The following TRPC6 variants were observed in gnomAD, a reference collection of about 807,000 sequenced individuals.
TRPC6 encodes short transient receptor potential channel 6.
Under a neutral mutation model 90.7 loss-of-function variants are expected in TRPC6, and 55 were observed. The observed-to-expected ratio is 0.61, with a 90% CI of 0.49 to 0.76. TRPC6 has a LOEUF of 0.76. TRPC6 is among the 30% of genes least tolerant of loss of function. The pLI is 0.00. For missense variants in TRPC6, 989 were observed against 1,122.7 expected, an observed-to-expected ratio of 0.88 and a Z score of 1.70; for synonymous variants, 393 against 393.0, an observed-to-expected ratio of 1.00 and a Z score of 0.00.
chr11:101,513,912 A>G (rs1427725168), intron 1 of TRPC6, among the ~76,000 whole-genome samples: 1 of 149,790 alleles, frequency 6.7e-6, no homozygotes, highest in Non-Finnish European at 1.5e-5. Flanking sequence ...GACTTTGATA[A>G]TAGGTCTGGA....
chr11:101,502,986 T>C, intron 2 of TRPC6, among the ~76,000 whole-genome samples: 1 of 152,012 alleles, frequency 6.6e-6, no homozygotes, highest in Non-Finnish European at 1.5e-5. Flanking sequence ...ATGAAACCAA[T>C]ATTCACTTCT....
At chr11:101,519,589 C>T (rs1345053997) in intron 1 of TRPC6, among the ~76,000 whole-genome samples, 1 of 151,956 alleles carries the variant, frequency 6.6e-6, no homozygotes, top group Non-Finnish European at 1.5e-5. Context: ...CAGCTAGTGG[C>T]ACCCCAATTT....
intron 4 of TRPC6, among the ~76,000 whole-genome samples, chr11:101,488,042 C>G (rs184214653): frequency 1.6e-4 from 25 of 152,266 alleles, no homozygotes; most frequent in Middle Eastern, 3.4e-3. Flanking sequence ...CATGTTTAAG[C>G]ACTGGAAGTA....
At chr11:101,525,493 C>G (rs1860758179) in intron 1 of TRPC6, among the ~76,000 whole-genome samples, 1 of 152,166 alleles carries the variant, frequency 6.6e-6, no homozygotes, top group South Asian at 2.1e-4. Flanking sequence ...ACTCATAGTT[C>G]TGGCTTGGAT....
chr11:101,517,014 A>G (rs1485635775), intron 1 of TRPC6, among the ~76,000 whole-genome samples: 1 of 152,250 alleles, frequency 6.6e-6, no homozygotes, highest in Non-Finnish European at 1.5e-5. Flanking sequence ...AAAGCAAAAC[A>G]CTGAACTACG....
intron 1 of TRPC6, among the ~76,000 whole-genome samples, chr11:101,514,660 A>G (rs1860476195): frequency 6.6e-6 from 1 of 152,218 alleles, no homozygotes; most frequent in Non-Finnish European, 1.5e-5. Context: ...AGCACTTAGC[A>G]CTTCTACTGT....
At chr11:101,511,352 G>A (rs1372362149) in intron 1 of TRPC6, among the ~76,000 whole-genome samples, 1 of 152,078 alleles carries the variant, frequency 6.6e-6, no homozygotes, top group Non-Finnish European at 1.5e-5. Context: ...TGATGATTTT[G>A]CCTTATTCAC....
At position 101,483,021 on chromosome 11, in the gene TRPC6, C is replaced by T; in HGVS notation, c.1438G>A (p.Ala480Thr). The T allele has an allele frequency of 6.2e-7, 1 of 1,614,034 alleles. No individual in the cohort carries two copies. Among genetic ancestry groups the T allele is most frequent in the South Asian group, 1.1e-5 (1 of 91,080 alleles). ...LLPNETSTDN[A>T]KQLFRMKTSC... is the part of the protein sequence containing the mutation. Reference sequence around the variant, plus strand: ...GTTTTCATCCTGAACAGCTGTTTTGCATTATCTGTGCTGGTTTCATTAGGA... The same window carrying T: ...GTTTTCATCCTGAACAGCTGTTTTGTATTATCTGTGCTGGTTTCATTAGGA... Residue 480 changes from alanine to threonine, a missense_variant, in exon 5 of 13, where the codon GCA (alanine) becomes ACA (threonine). Ala to Thr is a moderately conservative substitution (Grantham distance 58). This residue lies in a region of TRPC6 where 486 missense variants were observed against 591.9 expected (regional missense o/e 0.82). Coordinates refer to ENST00000344327, the MANE Select transcript of TRPC6 (RefSeq NM_004621.6).
intron 12 of TRPC6, 106 bp from the exon 13 acceptor site, chr11:101,453,212 T>C: frequency 8.8e-7 from 1 of 1,133,306 alleles, no homozygotes; most frequent in Non-Finnish European, 1.3e-6. Context: ...CACAATTTTA[T>C]TTTGAATCCT....
chr11:101,456,596 T>C (rs1034311023), intron 10 of TRPC6, among the ~76,000 whole-genome samples: 1 of 152,244 alleles, frequency 6.6e-6, no homozygotes, highest in East Asian at 1.9e-4. Flanking sequence ...TCCTGTGCAT[T>C]ATGGAATGCT....
rs760313357 is a variant in TRPC6 at position 101,504,159 on chromosome 11, G to A, written c.810C>T (p.Ser270=). 6.2e-7 allele frequency: 1 copy of A among 1,614,134 alleles called. No homozygotes were observed. The change falls in exon 2 of 13, where the codon TCC becomes TCT. Residue 270 remains serine, a synonymous_variant. Transcript: ENST00000344327. ...CTTTATAGGCATTAATCCTAGATCT[G>A]GAGTGGCTAAACGAGTCATGCTTCT... is the stretch of plus-strand genomic sequence containing the variant. ...QKQKHDSFSH[S]RSRINAYKGL... is the part of the protein sequence containing the mutation.
chr11:101,576,285 T>C (rs1173525979), intron 1 of TRPC6, among the ~76,000 whole-genome samples: 8 of 152,194 alleles, frequency 5.3e-5, no homozygotes, highest in Non-Finnish European at 1.2e-4. Flanking sequence ...TATATAAATA[T>C]TTTGGATTAG....
At chr11:101,492,548 A>AC (rs1435794006) in intron 2 of TRPC6, among the ~76,000 whole-genome samples, 1 of 151,602 alleles carries the variant, frequency 6.6e-6, no homozygotes, top group Non-Finnish European at 1.5e-5. Context: ...TGCCACTGTC[A>AC]CTCTAGCCTG....
intron 10 of TRPC6, among the ~76,000 whole-genome samples, chr11:101,456,899 A>G (rs1210534378): frequency 6.6e-6 from 1 of 152,206 alleles, no homozygotes; most frequent in African/African-American, 2.4e-5. Flanking sequence ...GTCAGTTTCT[A>G]ATACATCATA....
At chr11:101,547,721 GA>G (rs1861340872) in intron 1 of TRPC6, among the ~76,000 whole-genome samples, 1 of 152,096 alleles carries the variant, frequency 6.6e-6, no homozygotes, top group Non-Finnish European at 1.5e-5. Flanking sequence ...TTGTGTCCTA[GA>G]AAACTGCCTG....
chr11:101,482,831 T>C (rs1859584641), intron 5 of TRPC6, 118 bp downstream of exon 5: 1 of 1,055,340 alleles, frequency 9.5e-7, no homozygotes, highest in Non-Finnish European at 1.4e-6. Context: ...AATTATGATG[T>C]GTGGTGCACT....
At chr11:101,503,991 T>C in intron 2 of TRPC6, 33 bp downstream of exon 2, 2 of 1,613,812 alleles carry the variant, frequency 1.2e-6, no homozygotes, top group Non-Finnish European at 1.7e-6. Context: ...CTCTGGCTTG[T>C]GGAGGGTGAA....
At chr11:101,508,252 T>A (rs551649336) in intron 1 of TRPC6, among the ~76,000 whole-genome samples, 1 of 152,160 alleles carries the variant, frequency 6.6e-6, no homozygotes, top group East Asian at 1.9e-4. Context: ...TTTCCTCGTA[T>A]AGCTAGTGAT....
chr11:101,465,134 G>A (rs560339630), intron 10 of TRPC6, among the ~76,000 whole-genome samples: 50 of 152,198 alleles, frequency 3.3e-4, no homozygotes, highest in Non-Finnish European at 6.6e-4. Flanking sequence ...CTTCTGGCTT[G>A]TAGGGTTTCT....
Sources: allele counts gnomAD v4.1 joint callset (sites outside exome capture counted in the v4.1 genomes callset), GRCh38; gene constraint gnomAD v4.1.1; regional missense constraint gnomAD v4.1.1; transcripts MANE v1.5; gene names NCBI Gene and HGNC (gene_info 2026-07-23, HGNC 2026-07-21).